MYO1E: variants seen among roughly 807,000 people sequenced by gnomAD.
MYO1E encodes unconventional myosin-Ie.
MYO1E carries 68 observed loss-of-function variants against 151.1 expected under a neutral mutation model. The ratio of observed to expected loss-of-function variants is 0.45; its 90% CI spans 0.37 to 0.55. The LOEUF (loss-of-function observed/expected upper bound fraction) is 0.55, where lower values mean the gene tolerates loss of function less well. MYO1E is among the 20% of genes least tolerant of loss of function. MYO1E has a pLI of 0.00. For synonymous variants in MYO1E, 601 were observed against 501.7 expected (o/e 1.20, Z -2.64); for missense variants, 1,363 against 1,389.3 (o/e 0.98, Z 0.30).
chr15:59,351,063 AT>A (rs1301794576), intron 1 of MYO1E, among the ~76,000 whole-genome samples: 1 of 152,046 alleles, frequency 6.6e-6, no homozygotes, highest in African/African-American at 2.4e-5. Context: ...CGCCCAGCTA[AT>A]TTTTTTGTGT....
intron 26 of MYO1E, among the ~76,000 whole-genome samples, chr15:59,150,905 A>G (rs368907342): frequency 6.6e-6 from 1 of 152,072 alleles, no homozygotes; most frequent in African/African-American, 2.4e-5. Context: ...GAGTTTGAGA[A>G]CTACTGGTTT....
chr15:59,173,604 T>C, intron 21 of MYO1E, 142 bp downstream of exon 21: 1 of 935,444 alleles, frequency 1.1e-6, no homozygotes, highest in South Asian at 1.4e-5. Flanking sequence ...GGTGCCTGTT[T>C]ATCTTTTGGT....
At chr15:59,194,247 T>C (rs1459914351) in intron 17 of MYO1E, among the ~76,000 whole-genome samples, 8 of 152,014 alleles carry the variant, frequency 5.3e-5, no homozygotes, top group Non-Finnish European at 1.0e-4. Context: ...CCTGAAAAGA[T>C]GGCAGCTCTT....
chr15:59,255,079 G>A (rs1159303237), intron 4 of MYO1E, among the ~76,000 whole-genome samples: 4 of 151,980 alleles, frequency 2.6e-5, no homozygotes, highest in Admixed American at 2.6e-4. Context: ...GCCTGTCTCA[G>A]CCTCCACTAA....
intron 19 of MYO1E, among the ~76,000 whole-genome samples, chr15:59,176,225 A>AT (rs1357605709): frequency 2.0e-5 from 3 of 151,518 alleles, no homozygotes; most frequent in Non-Finnish European, 2.9e-5. Flanking sequence ...TGCCCGGCTA[A>AT]TTTTTTTTGT....
In MYO1E at chr15:59,344,253, C is replaced by T. The variant is rs552706602; in HGVS notation, c.3+28245G>A. Among the ~76,000 whole-genome samples, 4 of 152,374 alleles carry T rather than the reference C, an allele frequency of 2.6e-5. No individual in the cohort carries two copies. The South Asian group carries it at 6.2e-4, about 24-fold the overall frequency. ...ATGGGGTACCCCAAGCCCAGTAACA[C>T]TGTAGTTCTTGCGGACTCGTAGAGG... On this transcript the variant is annotated intron_variant, in intron 1 of 27. Transcript: ENST00000288235.
chr15:59,231,574 A>C lies in MYO1E; in HGVS notation c.510+128T>G, dbSNP rs141516941. ...GGCATGCTGCTATAGAAAATGAAGG[A>C]AAGATCGAAGAGGTGGCCTCCTGAT... On this transcript the variant is annotated intron_variant, in intron 6 of 27. Transcript: ENST00000288235. 5.9e-4 allele frequency: 592 copies of C among 1,010,266 alleles called. 1 individual carries two copies. The African/African-American group carries it at 6.4e-3, about 11-fold the overall frequency. 62.6% of individuals were successfully genotyped at this position (1,010,266 alleles called of 1,614,324 possible).
intron 18 of MYO1E, among the ~76,000 whole-genome samples, chr15:59,185,440 G>A (rs1298386661): frequency 1.3e-5 from 2 of 152,156 alleles, no homozygotes; most frequent in Non-Finnish European, 2.9e-5. Flanking sequence ...GCTAATTTTT[G>A]TATTTTTAGT....
chr15:59,193,960 A>G (rs2079750135), intron 17 of MYO1E, among the ~76,000 whole-genome samples: 1 of 152,162 alleles, frequency 6.6e-6, no homozygotes, highest in Non-Finnish European at 1.5e-5. Context: ...TTGGATCACG[A>G]AGTCAGGAGT....
rs771532826 is a variant in MYO1E at position 59,238,077 on chromosome 15, G to A, written c.333-1405C>T. On this transcript the variant is annotated intron_variant, in intron 4 of 27. Transcript: ENST00000288235. ...AATAAGAAAACCAAACTGAAATTTC[G>A]TAAGCTACAGTAGCAAGTAGAAAAC... Among the ~76,000 whole-genome samples, 8 of 152,236 alleles carry A rather than the reference G, an allele frequency of 5.3e-5. No homozygotes were observed. The East Asian group carries it at 7.7e-4, about 15-fold the overall frequency.
intron 26 of MYO1E, among the ~76,000 whole-genome samples, chr15:59,150,622 C>A (rs1441214936): frequency 6.6e-6 from 1 of 152,142 alleles, no homozygotes; most frequent in South Asian, 2.1e-4. Context: ...TGATGCTCAC[C>A]CACCTGAAAG....
At chr15:59,364,055 G>T (rs1227475612) in intron 1 of MYO1E, among the ~76,000 whole-genome samples, 1 of 152,164 alleles carries the variant, frequency 6.6e-6, no homozygotes, top group Non-Finnish European at 1.5e-5. Context: ...TGGGATAACA[G>T]GCCTGAGCCA....
intron 15 of MYO1E, among the ~76,000 whole-genome samples, chr15:59,202,641 C>A (rs1282261523): frequency 6.6e-6 from 1 of 152,156 alleles, no homozygotes; most frequent in Non-Finnish European, 1.5e-5. Context: ...TCAAAGACTG[C>A]AAAATAAATT....
At chr15:59,190,539 C>G (rs2079726592) in intron 17 of MYO1E, among the ~76,000 whole-genome samples, 1 of 152,140 alleles carries the variant, frequency 6.6e-6, no homozygotes, top group Non-Finnish European at 1.5e-5. Flanking sequence ...ATGCTAGGGT[C>G]ACCAAAAAAG....
chr15:59,273,433 C>T lies in MYO1E; in HGVS notation c.4-984G>A, dbSNP rs150639042. 3.4e-3 allele frequency among the ~76,000 whole-genome samples: 514 copies of T among 152,224 alleles called. 5 individuals are homozygous for T. The highest frequency in any genetic ancestry group is 0.011 in the African/African-American group (474 of 41,510). Reference sequence around the variant, plus strand: ...GCTGAGCACTTGGGCAGTTCAAAGTCCCTTGAAGGACACCTAGATAATGAT... The same window carrying T: ...GCTGAGCACTTGGGCAGTTCAAAGTTCCTTGAAGGACACCTAGATAATGAT... On this transcript the variant is annotated intron_variant, in intron 1 of 27. Coordinates refer to ENST00000288235, the MANE Select transcript of MYO1E (RefSeq NM_004998.4).
intron 14 of MYO1E, 43 bp from the exon 15 acceptor site, chr15:59,205,528 G>GTAATTTCATTGAACAAAATT: frequency 6.5e-7 from 1 of 1,532,668 alleles, no homozygotes; most frequent in Non-Finnish European, 9.0e-7. Context: ...TGAACAAAAT[G>GTAATTTCATTGAACAAAATT]TAATTAATTG....
At chr15:59,200,097 C>G (rs751939509) in intron 16 of MYO1E, among the ~76,000 whole-genome samples, 1 of 152,152 alleles carries the variant, frequency 6.6e-6, no homozygotes, top group Non-Finnish European at 1.5e-5. Context: ...CACTTTGAGC[C>G]TTCAACCAGA....
intron 1 of MYO1E, among the ~76,000 whole-genome samples, chr15:59,315,681 A>G (rs1321453034): frequency 6.6e-6 from 1 of 152,144 alleles, no homozygotes; most frequent in African/African-American, 2.4e-5. Flanking sequence ...TCAGACTGTG[A>G]GGAAGATTGA....
chr15:59,360,084 G>A (rs1173495979), intron 1 of MYO1E, among the ~76,000 whole-genome samples: 2 of 152,150 alleles, frequency 1.3e-5, no homozygotes, highest in Non-Finnish European at 2.9e-5. Context: ...AGTTGTCAAC[G>A]GCTGAAGTTG....
Sources: gnomAD v4.1 joint callset for allele counts (sites outside exome capture counted in the v4.1 genomes callset) on GRCh38, gnomAD v4.1.1 for gene constraint, MANE v1.5 for transcripts, NCBI Gene and HGNC (gene_info 2026-07-23, HGNC 2026-07-21) for gene names.